The following CTNNA2 variants were observed in gnomAD, a reference collection of about 807,000 sequenced individuals.
The protein encoded by CTNNA2 is catenin alpha-2.
Under a neutral mutation model 101.0 loss-of-function variants are expected in CTNNA2, and 42 were observed. The ratio of observed to expected loss-of-function variants is 0.42; its 90% CI spans 0.32 to 0.54. The LOEUF is 0.54. Ranked by LOEUF, CTNNA2 falls within the 20% of genes least tolerant of loss-of-function variation. The probability of loss-of-function intolerance (pLI) is 0.14; values close to 1 mark genes in which losing one functional copy is unlikely to be tolerated. For synonymous variants in CTNNA2, 450 were observed against 456.4 expected (o/e 0.99, Z 0.18); for missense variants, 871 against 1,223.1 (o/e 0.71, Z 4.29).
chr2:79,512,516 C>G (rs1326074566), upstream of CTNNA2, among the ~76,000 whole-genome samples: 1 of 152,014 alleles, frequency 6.6e-6, no homozygotes, highest in African/African-American at 2.4e-5. Context: ...TGCCACGTGT[C>G]GGACCCCTGC....
intron 7 of CTNNA2, among the ~76,000 whole-genome samples, chr2:80,163,486 T>A (rs1415796104): frequency 2.0e-5 from 3 of 152,006 alleles, no homozygotes. Flanking sequence ...ATGATTTCAA[T>A]TTTTTTTAAT....
At chr2:79,568,278 A>T (rs1010559639) in intron 1 of CTNNA2, among the ~76,000 whole-genome samples, 6 of 152,180 alleles carry the variant, frequency 3.9e-5, no homozygotes, top group African/African-American at 1.2e-4. Context: ...AGTGAAGTTT[A>T]GTCATAATTT....
At chr2:80,621,173 T>A (rs1671083011) in intron 18 of CTNNA2, among the ~76,000 whole-genome samples, 1 of 151,894 alleles carries the variant, frequency 6.6e-6, no homozygotes. Context: ...CCTCAGTTTT[T>A]CTCATCTGTA....
At chr2:79,267,583 G>A (rs1319499346) in intron 2 of CTNNA2, among the ~76,000 whole-genome samples, 1 of 152,128 alleles carries the variant, frequency 6.6e-6, no homozygotes, top group Non-Finnish European at 1.5e-5. Flanking sequence ...ATGACTAATA[G>A]TAAAGGTAGG....
At chr2:80,007,244 G>A (rs763436857) in intron 7 of CTNNA2, among the ~76,000 whole-genome samples, 16 of 151,958 alleles carry the variant, frequency 1.1e-4, no homozygotes, top group Non-Finnish European at 1.8e-4. Flanking sequence ...TATACATATA[G>A]TCTAACATAA....
chr2:80,420,577 A>G (rs1035253239), intron 9 of CTNNA2, among the ~76,000 whole-genome samples: 1 of 151,120 alleles, frequency 6.6e-6, no homozygotes, highest in Non-Finnish European at 1.5e-5. Context: ...TTTTTTTTTC[A>G]TTTGGATGGA....
At chr2:80,583,774 C>T (rs1257976808) in intron 14 of CTNNA2, among the ~76,000 whole-genome samples, 1 of 152,156 alleles carries the variant, frequency 6.6e-6, no homozygotes, top group Non-Finnish European at 1.5e-5. Flanking sequence ...TTACATTAGA[C>T]TTCAAGTCAA....
Position 80,306,437 on chromosome 2 carries a change from T to TTTCG in CTNNA2, c.1057-86771_1057-86770insGTTC, listed in dbSNP as rs1677007166. 2.0e-5 allele frequency among the ~76,000 whole-genome samples: 3 copies of TTTCG among 148,058 alleles called. No homozygotes were observed. In the South Asian group the frequency reaches 6.3e-4, roughly 31 times the overall value. On this transcript the variant is annotated intron_variant, in intron 7 of 18. Transcript: ENST00000402739. ...CTTTCTTTCTTTCTTTCTTTCTTTC[T>TTTCG]TTCTTTCTTTCTTTCTCTCTCTCTC...
intron 7 of CTNNA2, among the ~76,000 whole-genome samples, chr2:80,065,895 T>G (rs577636946): frequency 6.6e-6 from 1 of 152,330 alleles, no homozygotes; most frequent in Admixed American, 6.5e-5. Context: ...AAGTCCTTGC[T>G]TTCCTCTTTC....
chr2:80,430,918 T>C (rs1268339011), intron 9 of CTNNA2, among the ~76,000 whole-genome samples: 1 of 152,162 alleles, frequency 6.6e-6, no homozygotes, highest in Non-Finnish European at 1.5e-5. Flanking sequence ...GTATATATTA[T>C]GCAGCTACCT....
chr2:79,609,105 G>C (rs1678098284), intron 1 of CTNNA2, among the ~76,000 whole-genome samples: 1 of 151,854 alleles, frequency 6.6e-6, no homozygotes, highest in South Asian at 2.1e-4. Flanking sequence ...CAAAACATAT[G>C]AGTTACTTAG....
At chr2:79,288,580 C>A (rs960510584) in intron 2 of CTNNA2, among the ~76,000 whole-genome samples, 2 of 152,182 alleles carry the variant, frequency 1.3e-5, no homozygotes, top group African/African-American at 4.8e-5. Flanking sequence ...CTCTCTCCCT[C>A]TCTCTTTGTT....
intron 2 of CTNNA2, among the ~76,000 whole-genome samples, chr2:79,201,928 T>C (rs1185706415): frequency 6.6e-6 from 1 of 152,154 alleles, no homozygotes; most frequent in Non-Finnish European, 1.5e-5. Context: ...TTATACGTTT[T>C]AGGGAGACAT....
intron 2 of CTNNA2, among the ~76,000 whole-genome samples, chr2:79,723,628 C>A (rs559389244): frequency 6.6e-6 from 1 of 152,084 alleles, no homozygotes; most frequent in Non-Finnish European, 1.5e-5. Context: ...TAAGCATAAT[C>A]GAATCAGTAA....
intron 1 of CTNNA2, among the ~76,000 whole-genome samples, chr2:79,572,668 C>G (rs1266868525): frequency 6.6e-6 from 1 of 152,176 alleles, no homozygotes; most frequent in Non-Finnish European, 1.5e-5. Flanking sequence ...ACTAGAATCA[C>G]TTGAACCTAA....
chr2:80,302,662 G>A lies in CTNNA2; in HGVS notation c.1057-90549G>A, dbSNP rs752248831. 6.2e-7 allele frequency: 1 copy of A among 1,610,418 alleles called. No individual in the cohort carries two copies. The highest frequency in any genetic ancestry group is 1.3e-5 in the African/African-American group (1 of 75,034). On this transcript the variant is annotated intron_variant, in intron 7 of 18. Transcript: ENST00000402739. This position sits in a 1 kb window ranked among gnomAD's most constrained non-coding sequence, Gnocchi z 6.4. ...CGAGCGTGGTGGCCGAGCTGGCAGG[G>A]GGCCCCAGATCACTGCGGTTGGTGA... is the stretch of plus-strand genomic sequence containing the variant.
At chr2:79,465,166 T>C (rs1375261169) in intron 4 of CTNNA2, among the ~76,000 whole-genome samples, 1 of 152,212 alleles carries the variant, frequency 6.6e-6, no homozygotes. Flanking sequence ...TTGTATAAAG[T>C]GTAAGGAAGG....
intron 8 of CTNNA2, among the ~76,000 whole-genome samples, chr2:80,398,446 T>C (rs1678241776): frequency 6.6e-6 from 1 of 152,090 alleles, no homozygotes; most frequent in Admixed American, 6.5e-5. Context: ...TCCCTGGAGT[T>C]TGGAGTCTAG....
intron 2 of CTNNA2, among the ~76,000 whole-genome samples, chr2:79,655,216 T>A (rs905000145): frequency 1.3e-5 from 2 of 152,148 alleles, no homozygotes; most frequent in Admixed American, 1.3e-4. Flanking sequence ...AGCCTTGGAG[T>A]TTACACTTAA....
Sources: gnomAD v4.1 joint callset for allele counts (sites outside exome capture counted in the v4.1 genomes callset) on GRCh38, gnomAD v4.1.1 for gene constraint, Gnocchi (gnomAD v3.1) non-coding constraint, MANE v1.5 for transcripts, NCBI Gene and HGNC (gene_info 2026-07-23, HGNC 2026-07-21) for gene names.